Variants in OR6J1 observed in about 807,000 individuals in gnomAD.
OR6J1 encodes the protein olfactory receptor 6J1.
For missense variants in OR6J1, 304 were observed against 166.8 expected (o/e 1.82, Z -4.53); for synonymous variants, 109 against 70.0 (o/e 1.56, Z -2.78).
In OR6J1 at chr14:22,638,878, G is replaced by A. The variant is rs1177841385; in HGVS notation, c.-27-4040C>T. On this transcript the variant is annotated intron_variant, in intron 1 of 1. Coordinates refer to ENST00000540461, the MANE Select transcript of OR6J1 (RefSeq NM_001348233.2). The stretch of plus-strand genomic sequence containing the variant: ...GCCGCCATCCCATCTAGGAAGTGAG[G>A]AGCGCCTCTTCCCAGCCGCCATCAC... 7.1e-3 allele frequency among the ~76,000 whole-genome samples: 674 copies of A among 95,502 alleles called. 61 individuals carry two copies. The highest frequency in any genetic ancestry group is 0.011 in the Non-Finnish European group (513 of 45,402). 62.7% of individuals were successfully genotyped at this position (95,502 alleles called of 152,430 possible).
intron 1 of OR6J1, among the ~76,000 whole-genome samples, chr14:22,642,939 A>G (rs2037662468): frequency 6.6e-6 from 1 of 151,474 alleles, no homozygotes; most frequent in South Asian, 2.1e-4. Flanking sequence ...AGTAGCTAGG[A>G]CTACAGGTGC....
chr14:22,633,590 TGCACTTCAGCTGA>T lies in OR6J1; in HGVS notation c.*165_*177del, dbSNP rs2037561612. 1 of 582,862 alleles carries T rather than the reference TGCACTTCAGCTGA, an allele frequency of 1.7e-6. No individual in the cohort carries two copies. Among genetic ancestry groups the T allele is most frequent in the South Asian group, 2.2e-5 (1 of 45,188 alleles). The allele number at this position is 582,862 out of a possible 1,614,324, so 36.1% of individuals were successfully genotyped here. On this transcript the variant is annotated 3_prime_UTR_variant, in exon 2 of 2. Coordinates refer to ENST00000540461, the MANE Select transcript of OR6J1 (RefSeq NM_001348233.2). ...TAGAGATCATCAAGTCCAGCCCTGT[TGCACTTCAGCTGA>T]GAGTACTGAGAGTCAGAATGGCTGG...
chr14:22,633,833 T>A lies in OR6J1; in HGVS notation c.979A>T (p.Lys327Ter). 2 of 702,530 alleles carry A rather than the reference T, an allele frequency of 2.8e-6. No homozygotes were observed. 43.5% of individuals were successfully genotyped at this position (702,530 alleles called of 1,614,324 possible). ...GAGCAAGCCCTTCCTTGGTGGTCTT[T>A]GTTGGAGGATAATCTGCTTCTCAGC... Reference protein sequence around the residue: ...AVLRSRLSSNKDHQGRACSSP... With the variant: ...AVLRSRLSSN The change falls in exon 2 of 2, where the codon AAA (lysine) becomes TAA (stop). Residue 327 changes from lysine to a stop codon, truncating the protein, a stop_gained. Coordinates refer to ENST00000540461, the MANE Select transcript of OR6J1 (RefSeq NM_001348233.2). LOFTEE classifies it low-confidence loss of function (END_TRUNC).
Position 22,634,290 on chromosome 14 carries a change from G to A in OR6J1, c.522C>T (p.Asn174=). ...QLPFCGSNII[N]HFFCDSGPLL... ...AGGGTCCACTGTCACAGAAGAAGTG[G>A]TTAATGATATTGGAGCCACAGAAGG... The change falls in exon 2 of 2, where the codon AAC becomes AAT. Residue 174 remains asparagine (N), a synonymous_variant. Coordinates refer to ENST00000540461, the MANE Select transcript of OR6J1 (RefSeq NM_001348233.2). The A allele has an allele frequency of 2.8e-6, 2 of 703,416 alleles. No homozygotes were observed. The highest frequency in any genetic ancestry group is 5.2e-6 in the Non-Finnish European group (2 of 385,038). The allele number at this position is 703,416 out of a possible 1,614,324, so 43.6% of individuals were successfully genotyped here.
intron 1 of OR6J1, among the ~76,000 whole-genome samples, chr14:22,637,587 G>T (rs1304972886): frequency 4.4e-5 from 2 of 45,658 alleles, no homozygotes; most frequent in Admixed American, 3.1e-4. Flanking sequence ...AGGGAGGTGG[G>T]GGGGTCAGCC....
rs7147110 is a variant in OR6J1 at position 22,632,331 on chromosome 14, G to A, written c.*1437C>T. 0.42 allele frequency: 63,125 copies of A among 151,924 alleles called. 15,550 individuals are homozygous for A. Among genetic ancestry groups the A allele is most frequent in the East Asian group, 0.69 (3,557 of 5,162 alleles). 9.4% of individuals were successfully genotyped at this position (151,924 alleles called of 1,614,324 possible). On this transcript the variant is annotated 3_prime_UTR_variant, in exon 2 of 2. Transcript: ENST00000540461. ...GCCTCTAATCCCAGCACTTTGGGAGGCCGATGTGGGCAGATCACGAGTTCA... is the reference window on the plus strand; with the variant it reads ...GCCTCTAATCCCAGCACTTTGGGAGACCGATGTGGGCAGATCACGAGTTCA...
At chr14:22,643,746 CACACACACACACACACACAG>C (rs2037668399) in intron 1 of OR6J1, among the ~76,000 whole-genome samples, 2 of 106,628 alleles carry the variant, frequency 1.9e-5, no homozygotes, top group African/African-American at 7.5e-5. Flanking sequence ...CACACACACA[CACACACACACACACACACAG>C]AGAGAGAGAG....
Position 22,633,391 on chromosome 14 carries a change from A to G in OR6J1, c.*377T>C, listed in dbSNP as rs989492239. On this transcript the variant is annotated 3_prime_UTR_variant, in exon 2 of 2. Transcript: ENST00000540461. The stretch of plus-strand genomic sequence containing the variant: ...GGTTATTTCTAAAAAGATCCTGCAG[A>G]GGATGGAAAGAAAGAGGGTCCGTGC... 5 of 184,508 alleles carry G rather than the reference A, an allele frequency of 2.7e-5. No individual in the cohort carries two copies. The highest frequency in any genetic ancestry group is 4.5e-5 in the Non-Finnish European group (4 of 88,458). The allele number at this position is 184,508 out of a possible 1,614,324, so 11.4% of individuals were successfully genotyped here. A position where few individuals can be genotyped will look rare whatever the true frequency, so the allele number is the denominator to read the frequency against.
chr14:22,640,205 AGAGGGAGGGAGGGAGG>A (rs80115809), intron 1 of OR6J1, among the ~76,000 whole-genome samples: 52 of 77,286 alleles, frequency 6.7e-4, no homozygotes, highest in African/African-American at 2.5e-3. Context: ...GGGAAAAGAG[AGAGGGAGGGAGGGAGG>A]GAGGGAGGGA....
At chr14:22,643,793 AGAG>A (rs1566398813) in intron 1 of OR6J1, among the ~76,000 whole-genome samples, 1 of 150,232 alleles carries the variant, frequency 6.7e-6, no homozygotes, top group African/African-American at 2.5e-5. Flanking sequence ...AGAGAGAGAG[AGAG>A]AGACAGCAGT....
Position 22,639,125 on chromosome 14 carries a change from G to A in OR6J1, c.-27-4287C>T, listed in dbSNP as rs1340643945. On this transcript the variant is annotated intron_variant, in intron 1 of 1. Coordinates refer to ENST00000540461, the MANE Select transcript of OR6J1 (RefSeq NM_001348233.2). Reference sequence around the variant, plus strand: ...TGAGAAGTGAGGAGCCCCTCCGCCCGGCAGCTGCCCCGTCTGAGAAGTGAG... The same window carrying A: ...TGAGAAGTGAGGAGCCCCTCCGCCCAGCAGCTGCCCCGTCTGAGAAGTGAG... 5.8e-3 allele frequency among the ~76,000 whole-genome samples: 529 copies of A among 90,768 alleles called. 10 individuals are homozygous for A. The highest frequency in any genetic ancestry group is 0.019 in the Middle Eastern group (4 of 216). 59.5% of individuals were successfully genotyped at this position (90,768 alleles called of 152,430 possible). A position where few individuals can be genotyped will look rare whatever the true frequency, so the allele number is the denominator to read the frequency against.
intron 1 of OR6J1, among the ~76,000 whole-genome samples, chr14:22,643,489 G>T (rs922364886): frequency 1.3e-5 from 2 of 151,210 alleles, no homozygotes; most frequent in Non-Finnish European, 1.5e-5. Flanking sequence ...AGTGATAGGG[G>T]TTTTGCCATA....
chr14:22,634,435 C>A lies in OR6J1; in HGVS notation c.377G>T (p.Cys126Phe). 1.4e-6 allele frequency: 1 copy of A among 703,362 alleles called. No homozygotes were observed. The highest frequency in any genetic ancestry group is 2.6e-6 in the Non-Finnish European group (1 of 384,954). 43.6% of individuals were successfully genotyped at this position (703,362 alleles called of 1,614,324 possible). A position where few individuals can be genotyped will look rare whatever the true frequency, so the allele number is the denominator to read the frequency against. The change falls in exon 2 of 2, where the codon TGC becomes TTC. Residue 126 changes from cysteine (C) to phenylalanine (F), a missense_variant. Cys to Phe is a radical substitution (Grantham distance 205). Transcript: ENST00000540461. ...VMSYDRYATI[C>F]CPLRYTTIMR... is the part of the protein sequence containing the mutation. Reference sequence around the variant, plus strand: ...GATGGTGGTGTACCGCAGGGGGCAGCAGATGGTGGCATAACGGTCATAGGA... The same window carrying A: ...GATGGTGGTGTACCGCAGGGGGCAGAAGATGGTGGCATAACGGTCATAGGA...
At position 22,633,817 on chromosome 14, in the gene OR6J1, C is replaced by A. The variant is rs745971056; in HGVS notation, c.995G>T (p.Arg332Met). The change falls in exon 2 of 2, where the codon AGG becomes ATG. Residue 332 changes from arginine (R) to methionine (M), a missense_variant. By Grantham distance (91) the Arg-to-Met change is moderately conservative. Transcript: ENST00000540461. ...RLSSNKDHQGRACSSPPCVYS... is the reference protein window; with the variant it reads ...RLSSNKDHQGMACSSPPCVYS... ...GACACATGGTGGAGAAGAGCAAGCC[C>A]TTCCTTGGTGGTCTTTGTTGGAGGA... 4.7e-5 allele frequency: 33 copies of A among 701,490 alleles called. No individual in the cohort carries two copies. Among genetic ancestry groups the A allele is most frequent in the Admixed American group, 2.0e-4 (10 of 49,918 alleles). The allele number at this position is 701,490 out of a possible 1,614,324, so 43.5% of individuals were successfully genotyped here. A position where few individuals can be genotyped will look rare whatever the true frequency, so the allele number is the denominator to read the frequency against.
At chr14:22,635,769 CTCATA>C (rs1566394800) in intron 1 of OR6J1, among the ~76,000 whole-genome samples, 2 of 152,264 alleles carry the variant, frequency 1.3e-5, no homozygotes, top group East Asian at 3.9e-4. Flanking sequence ...GATTCCCAAT[CTCATA>C]TCAGACACTA....
Position 22,634,074 on chromosome 14 carries a change from T to C in OR6J1, c.738A>G (p.Ile246Met). ...AFNTCASHLTIVIISSGITVF... is the reference protein window; with the variant it reads ...AFNTCASHLTMVIISSGITVF... ...CAGTGATGCCACTAGAAATGATGAC[T>C]ATGGTCAGGTGGGAAGCACAGGTAT... The change falls in exon 2 of 2, where the codon ATA (isoleucine) becomes ATG (methionine). Residue 246 changes from isoleucine (I) to methionine (M), a missense_variant. By Grantham distance (10) the Ile-to-Met change is conservative. Coordinates refer to ENST00000540461, the MANE Select transcript of OR6J1 (RefSeq NM_001348233.2). 1 of 703,036 alleles carries C rather than the reference T, an allele frequency of 1.4e-6. No individual in the cohort carries two copies. Among genetic ancestry groups the C allele is most frequent in the South Asian group, 1.5e-5 (1 of 67,588 alleles). The allele number at this position is 703,036 out of a possible 1,614,324, so 43.5% of individuals were successfully genotyped here. A position where few individuals can be genotyped will look rare whatever the true frequency, so the allele number is the denominator to read the frequency against.
chr14:22,637,630 A>T, intron 1 of OR6J1, among the ~76,000 whole-genome samples: 1 of 53,154 alleles, frequency 1.9e-5, no homozygotes, highest in Admixed American at 1.7e-4. Flanking sequence ...TCCGGGAGGG[A>T]GGTGGGGGGG....
rs1490237468 is a variant in OR6J1 at position 22,633,379 on chromosome 14, A to C, written c.*389T>G. The stretch of plus-strand genomic sequence containing the variant: ...GAGAATAATGAAGGTTATTTCTAAA[A>C]AGATCCTGCAGAGGATGGAAAGAAA... On this transcript the variant is annotated 3_prime_UTR_variant, in exon 2 of 2. Coordinates refer to ENST00000540461, the MANE Select transcript of OR6J1 (RefSeq NM_001348233.2). 1 of 176,916 alleles carries C rather than the reference A, an allele frequency of 5.7e-6. No homozygotes were observed. Among genetic ancestry groups the C allele is most frequent in the Non-Finnish European group, 1.2e-5 (1 of 83,568 alleles). 11.0% of individuals were successfully genotyped at this position (176,916 alleles called of 1,614,324 possible). A position where few individuals can be genotyped will look rare whatever the true frequency, so the allele number is the denominator to read the frequency against.
intron 1 of OR6J1, among the ~76,000 whole-genome samples, chr14:22,640,485 A>AT (rs1299631664): frequency 0.042 from 4,906 of 117,700 alleles, 332 homozygotes; most frequent in African/African-American, 0.11. Flanking sequence ...GTGAGAATGT[A>AT]TTTTTTTTTT....
Sources: allele counts gnomAD v4.1 joint callset (sites outside exome capture counted in the v4.1 genomes callset), GRCh38; gene constraint gnomAD v4.1.1; transcripts MANE v1.5; gene names NCBI Gene and HGNC (gene_info 2026-07-23, HGNC 2026-07-21).